Variants in DYM observed in about 807,000 individuals in gnomAD.
DYM encodes dyggve-Melchior-Clausen syndrome protein.
A neutral mutation model predicts 93.1 loss-of-function variants in DYM; 78 were observed. That is an observed-to-expected ratio of 0.84 (90% CI 0.70 to 1.01). The LOEUF is 1.01. Among genes scored for constraint, DYM ranks in the 50% least tolerant of loss-of-function variants. The pLI is 0.00. For synonymous variants in DYM, 321 were observed against 319.7 expected (o/e 1.00, Z -0.04); for missense variants, 789 against 845.0 (o/e 0.93, Z 0.82).
intron 16 of DYM, among the ~76,000 whole-genome samples, chr18:49,109,617 G>A (rs1212566986): frequency 6.6e-6 from 1 of 152,170 alleles, no homozygotes; most frequent in East Asian, 1.9e-4. Context: ...AGCAATAGCA[G>A]TGATCAGAGC....
intron 11 of DYM, among the ~76,000 whole-genome samples, 165 bp from the exon 12 acceptor site, chr18:49,258,658 C>T (rs1156736643): frequency 6.6e-6 from 1 of 152,022 alleles, no homozygotes; most frequent in Non-Finnish European, 1.5e-5. Context: ...GAGAGATGCT[C>T]CAGTGCTCTG....
At chr18:49,204,011 GTC>G in intron 14 of DYM, among the ~76,000 whole-genome samples, 1 of 151,784 alleles carries the variant, frequency 6.6e-6, no homozygotes, top group South Asian at 2.1e-4. Flanking sequence ...GGGCAGGGGA[GTC>G]TCTCTTTTAC....
chr18:49,384,581 C>T (rs1293954796), intron 3 of DYM, among the ~76,000 whole-genome samples: 2 of 143,298 alleles, frequency 1.4e-5, no homozygotes, highest in Non-Finnish European at 3.0e-5. Flanking sequence ...AGCAAGATTG[C>T]GCCACTGCAC....
chr18:49,112,335 C>T (rs769861843), intron 16 of DYM, among the ~76,000 whole-genome samples: 12 of 152,140 alleles, frequency 7.9e-5, no homozygotes, highest in Admixed American at 4.6e-4. Context: ...CCTGGGTGTT[C>T]TGTAATGTCA....
At chr18:49,160,805 T>C (rs1243665902) in intron 15 of DYM, among the ~76,000 whole-genome samples, 1 of 152,190 alleles carries the variant, frequency 6.6e-6, no homozygotes, top group Admixed American at 6.5e-5. Context: ...TGGTTTCAAA[T>C]GTGTAAATCA....
At chr18:49,091,710 T>A (rs187564560) in intron 17 of DYM, among the ~76,000 whole-genome samples, 1 of 152,082 alleles carries the variant, frequency 6.6e-6, no homozygotes, top group African/African-American at 2.4e-5. Context: ...GGATCACACT[T>A]TGAAAAACAG....
intron 13 of DYM, among the ~76,000 whole-genome samples, chr18:49,220,222 G>A (rs1431799496): frequency 6.6e-6 from 1 of 151,704 alleles, no homozygotes; most frequent in African/African-American, 2.4e-5. Context: ...TCTTCAAGGA[G>A]AACTACAAAC....
chr18:49,188,047 C>T (rs1338902690), intron 14 of DYM, among the ~76,000 whole-genome samples: 2 of 152,162 alleles, frequency 1.3e-5, no homozygotes, highest in Non-Finnish European at 2.9e-5. Context: ...TTCCCCAATA[C>T]GTAAAAAGCA....
intron 15 of DYM, among the ~76,000 whole-genome samples, chr18:49,120,619 C>T (rs142597423): frequency 1.2e-4 from 19 of 152,182 alleles, no homozygotes; most frequent in Non-Finnish European, 2.2e-4. Context: ...TTTCAATCTG[C>T]GTTGGTTGAA....
At chr18:49,205,374 C>G (rs2092418631) in intron 14 of DYM, among the ~76,000 whole-genome samples, 1 of 151,994 alleles carries the variant, frequency 6.6e-6, no homozygotes, top group Admixed American at 6.5e-5. Flanking sequence ...TCTGGTAATT[C>G]TATATGAGTC....
chr18:49,363,131 A>T, intron 6 of DYM, 30 bp downstream of exon 6: 1 of 1,583,062 alleles, frequency 6.3e-7, no homozygotes, highest in Non-Finnish European at 8.7e-7. Flanking sequence ...CAAAGAAGAT[A>T]AAACAAATCC....
intron 8 of DYM, among the ~76,000 whole-genome samples, chr18:49,293,175 A>G (rs2060279437): frequency 6.6e-6 from 1 of 152,178 alleles, no homozygotes; most frequent in African/African-American, 2.4e-5. Context: ...TTATGGCTGC[A>G]TAGTATTCCA....
At chr18:49,160,886 C>A (rs1038412389) in intron 15 of DYM, among the ~76,000 whole-genome samples, 2 of 152,034 alleles carry the variant, frequency 1.3e-5, no homozygotes, top group Admixed American at 1.3e-4. Context: ...GAACATACAA[C>A]GGTGCTTATT....
intron 8 of DYM, among the ~76,000 whole-genome samples, chr18:49,291,215 G>A (rs1033621947): frequency 6.6e-6 from 1 of 152,170 alleles, no homozygotes; most frequent in African/African-American, 2.4e-5. Flanking sequence ...TATAAGCAAT[G>A]TATAACAAAA....
chr18:49,306,998 G>A (rs2061314090), intron 8 of DYM, among the ~76,000 whole-genome samples: 1 of 151,906 alleles, frequency 6.6e-6, no homozygotes, highest in African/African-American at 2.4e-5. Flanking sequence ...TGCTTGTTAT[G>A]AAGTTCTGAT....
At chr18:49,349,669 C>T (rs2064941285) in intron 6 of DYM, among the ~76,000 whole-genome samples, 1 of 152,188 alleles carries the variant, frequency 6.6e-6, no homozygotes. Context: ...ATAAGAATCA[C>T]AATATAACTA....
intron 14 of DYM, among the ~76,000 whole-genome samples, chr18:49,184,965 A>C (rs907545747): frequency 3.9e-5 from 6 of 152,162 alleles, no homozygotes; most frequent in Non-Finnish European, 8.8e-5. Flanking sequence ...TGCTAGAAGG[A>C]GGCTTTAGTT....
intron 14 of DYM, among the ~76,000 whole-genome samples, chr18:49,188,804 C>T (rs2090695428): frequency 6.6e-6 from 1 of 152,068 alleles, no homozygotes; most frequent in African/African-American, 2.4e-5. Context: ...CTAACCTGCA[C>T]ATTGTGCACA....
chr18:49,349,487 T>C lies in DYM; in HGVS notation c.494+13674A>G, dbSNP rs77064444. ...ATAGAATTTATGGTGGGTAAGTACA[T>C]GTCCAAAGTGCAATTAGGTCAACTC... is the stretch of plus-strand genomic sequence containing the variant. On this transcript the variant is annotated intron_variant, in intron 6 of 17. Transcript: ENST00000675505. Among the ~76,000 whole-genome samples, 528 of 152,298 alleles carry C rather than the reference T, an allele frequency of 3.5e-3. 4 individuals are homozygous for C. The highest frequency in any genetic ancestry group is 0.012 in the African/African-American group (488 of 41,558).
Sources: allele counts gnomAD v4.1 joint callset (sites outside exome capture counted in the v4.1 genomes callset), GRCh38; gene constraint gnomAD v4.1.1; transcripts MANE v1.5; gene names NCBI Gene and HGNC (gene_info 2026-07-23, HGNC 2026-07-21).